The following MECOM variants were observed in gnomAD, a reference collection of about 807,000 sequenced individuals.
MECOM encodes the protein histone-lysine N-methyltransferase MECOM.
A neutral mutation model predicts 116.3 loss-of-function variants in MECOM; 13 were observed. That is an observed-to-expected ratio of 0.11 (90% CI 0.07 to 0.18). The LOEUF is 0.18. Among genes scored for constraint, MECOM ranks in the 10% least tolerant of loss-of-function variants. The pLI is 1.00. For missense variants in MECOM, 1,299 were observed against 1,509.0 expected (o/e 0.86, Z 2.31); for synonymous variants, 528 against 535.2 (o/e 0.99, Z 0.19).
intron 1 of MECOM, among the ~76,000 whole-genome samples, chr3:169,560,928 A>G (rs1482061769): frequency 6.6e-6 from 1 of 151,984 alleles, no homozygotes; most frequent in Non-Finnish European, 1.5e-5. Context: ...AGAGGTTTCT[A>G]CAAACGGCAT....
At chr3:169,631,825 T>C (rs1280592936) in intron 1 of MECOM, among the ~76,000 whole-genome samples, 6 of 152,040 alleles carry the variant, frequency 3.9e-5, no homozygotes, top group Non-Finnish European at 8.8e-5. Context: ...GGTTCAAGGC[T>C]GTTGAGTACT....
chr3:169,210,819 C>T (rs1404378395), intron 2 of MECOM, among the ~76,000 whole-genome samples: 1 of 152,096 alleles, frequency 6.6e-6, no homozygotes. Flanking sequence ...GATTAATTTT[C>T]CTCTATTAAT....
At chr3:169,383,967 A>G (rs1281746252) in intron 1 of MECOM, among the ~76,000 whole-genome samples, 1 of 152,174 alleles carries the variant, frequency 6.6e-6, no homozygotes, top group Non-Finnish European at 1.5e-5. Flanking sequence ...AGCTGGTCCT[A>G]TCACCGTCCC....
chr3:169,283,422 A>G (rs1251172004), intron 2 of MECOM, among the ~76,000 whole-genome samples: 1 of 152,066 alleles, frequency 6.6e-6, no homozygotes, highest in African/African-American at 2.4e-5. Context: ...CTCAAAAAAA[A>G]AAGAGATAAT....
intron 1 of MECOM, among the ~76,000 whole-genome samples, chr3:169,610,293 C>T (rs932472250): frequency 2.4e-4 from 37 of 152,106 alleles, no homozygotes; most frequent in African/African-American, 8.7e-4. Flanking sequence ...ATATTTTCCC[C>T]TCAGTGGCAC....
intron 16 of MECOM, among the ~76,000 whole-genome samples, chr3:169,088,298 T>C (rs1442676187): frequency 1.3e-5 from 2 of 152,232 alleles, no homozygotes; most frequent in Admixed American, 6.5e-5. Context: ...TCCTTTATTT[T>C]GTAACAAAAA....
chr3:169,657,801 C>A (rs1356547587), intron 1 of MECOM, among the ~76,000 whole-genome samples: 1 of 152,222 alleles, frequency 6.6e-6, no homozygotes, highest in Non-Finnish European at 1.5e-5. Flanking sequence ...TAAACAGTTT[C>A]TTCCCTATGT....
At chr3:169,091,866 A>T (rs897159630) in intron 14 of MECOM, among the ~76,000 whole-genome samples, 1 of 152,078 alleles carries the variant, frequency 6.6e-6, no homozygotes, top group African/African-American at 2.4e-5. Context: ...TTGACTTTTG[A>T]TAACATCAAA....
At chr3:169,434,448 T>TG (rs1355416818) in intron 1 of MECOM, among the ~76,000 whole-genome samples, 1 of 152,104 alleles carries the variant, frequency 6.6e-6, no homozygotes, top group Non-Finnish European at 1.5e-5. Context: ...TACTGTTTTT[T>TG]TTTTGTTTTG....
intron 1 of MECOM, among the ~76,000 whole-genome samples, chr3:169,529,868 C>T (rs929663528): frequency 6.6e-6 from 1 of 152,116 alleles, no homozygotes; most frequent in African/African-American, 2.4e-5. Context: ...AGGATATTGC[C>T]CCATGTCAGA....
At chr3:169,520,366 C>T (rs1757200030) in intron 1 of MECOM, among the ~76,000 whole-genome samples, 1 of 152,188 alleles carries the variant, frequency 6.6e-6, no homozygotes, top group African/African-American at 2.4e-5. Flanking sequence ...TCCCAACCTC[C>T]CTCATCCTTG....
At chr3:169,476,450 GCTTT>G (rs1750389764) in intron 1 of MECOM, among the ~76,000 whole-genome samples, 1 of 152,078 alleles carries the variant, frequency 6.6e-6, no homozygotes, top group South Asian at 2.1e-4. Context: ...CATCAATAAC[GCTTT>G]GATAGATCCC....
intron 12 of MECOM, among the ~76,000 whole-genome samples, chr3:169,098,813 CCA>C (rs1240442799): frequency 6.6e-6 from 1 of 152,016 alleles, no homozygotes; most frequent in African/African-American, 2.4e-5. Context: ...TAGGCATGAG[CCA>C]CCACACTTGG....
At position 169,097,827 on chromosome 3, in the gene MECOM, A is replaced by AAAG. The variant is rs1722174518; in HGVS notation, c.2850-2583_2850-2582insCTT. Among the ~76,000 whole-genome samples, 5 of 148,626 alleles carry AAAG rather than the reference A, an allele frequency of 3.4e-5. No individual in the cohort carries two copies. In the South Asian group the frequency reaches 1.1e-3, roughly 32 times the overall value. On this transcript the variant is annotated intron_variant, in intron 12 of 16. Coordinates refer to ENST00000651503, the MANE Select transcript of MECOM (RefSeq NM_004991.4). ...GACCTACTGTCTATATAAAAAAAAAAAAAAAAAAAAAAAGGTGGATTCCAC... is the reference window on the plus strand; with the variant it reads ...GACCTACTGTCTATATAAAAAAAAAAAAGAAAAAAAAAAAAAGGTGGATTCCAC...
At chr3:169,333,299 G>A (rs1376322442) in intron 2 of MECOM, among the ~76,000 whole-genome samples, 1 of 152,122 alleles carries the variant, frequency 6.6e-6, no homozygotes, top group Non-Finnish European at 1.5e-5. Context: ...ACTGCACCAT[G>A]TCAAAGCTGC....
intron 2 of MECOM, among the ~76,000 whole-genome samples, chr3:169,286,596 T>C (rs1344289404): frequency 6.6e-6 from 1 of 152,072 alleles, no homozygotes; most frequent in African/African-American, 2.4e-5. Context: ...TGCATAAAAT[T>C]GTAAAAGCAG....
intron 1 of MECOM, among the ~76,000 whole-genome samples, chr3:169,504,629 A>G (rs1169576288): frequency 6.6e-6 from 1 of 152,156 alleles, no homozygotes; most frequent in African/African-American, 2.4e-5. Context: ...ACCCAACAAA[A>G]TTGTATCTTC....
At chr3:169,593,619 C>T (rs556324835) in intron 1 of MECOM, among the ~76,000 whole-genome samples, 12 of 152,236 alleles carry the variant, frequency 7.9e-5, no homozygotes, top group African/African-American at 1.2e-4. Flanking sequence ...TATATTTCCA[C>T]GGAGTCCCAC....
At chr3:169,449,867 C>T (rs144718089) in intron 1 of MECOM, among the ~76,000 whole-genome samples, 4 of 152,274 alleles carry the variant, frequency 2.6e-5, no homozygotes, top group Non-Finnish European at 2.9e-5. Context: ...CAGGTGTAAA[C>T]TTGGGTAGCA....
Sources: allele counts gnomAD v4.1 joint callset (sites outside exome capture counted in the v4.1 genomes callset), GRCh38; gene constraint gnomAD v4.1.1; transcripts MANE v1.5; gene names NCBI Gene and HGNC (gene_info 2026-07-23, HGNC 2026-07-21).